Variants in VPS13B observed in about 807,000 individuals in gnomAD.
The protein encoded by VPS13B is intermembrane lipid transfer protein VPS13B.
Under a neutral mutation model 426.4 loss-of-function variants are expected in VPS13B, and 285 were observed. The observed-to-expected ratio is 0.67, with a 90% CI of 0.61 to 0.74. The LOEUF is 0.74. VPS13B is among the 30% of genes least tolerant of loss of function. The pLI is 0.00. For missense variants in VPS13B, 4,537 were observed against 4,782.6 expected, an observed-to-expected ratio of 0.95 and a Z score of 1.51; for synonymous variants, 1,676 against 1,676.4, an observed-to-expected ratio of 1.00 and a Z score of 0.01.
intron 52 of VPS13B, among the ~76,000 whole-genome samples, chr8:99,833,175 G>A (rs1043536165): frequency 1.3e-5 from 2 of 152,182 alleles, no homozygotes; most frequent in African/African-American, 2.4e-5. Flanking sequence ...TTCTGTGGTC[G>A]TTCCTGCACG....
intron 3 of VPS13B, among the ~76,000 whole-genome samples, chr8:99,046,754 G>T (rs573131026): frequency 1.3e-5 from 2 of 152,154 alleles, no homozygotes; most frequent in East Asian, 3.9e-4. Flanking sequence ...AATCATAAAA[G>T]GATGCCATAT....
chr8:99,502,489 T>C (rs1821300355), intron 26 of VPS13B, among the ~76,000 whole-genome samples: 1 of 152,190 alleles, frequency 6.6e-6, no homozygotes, highest in African/African-American at 2.4e-5. Flanking sequence ...TTGTAATACA[T>C]AAATTTTGTC....
intron 19 of VPS13B, among the ~76,000 whole-genome samples, chr8:99,362,520 G>A (rs1254105644): frequency 6.6e-6 from 1 of 151,986 alleles, no homozygotes; most frequent in African/African-American, 2.4e-5. Flanking sequence ...GAATAATTGA[G>A]GGCAGATTCA....
intron 39 of VPS13B, among the ~76,000 whole-genome samples, chr8:99,745,648 A>G (rs1810043909): frequency 6.6e-6 from 1 of 152,082 alleles, no homozygotes; most frequent in African/African-American, 2.4e-5. Context: ...GGGTCTTGGA[A>G]TGTATCCCTC....
At chr8:99,390,785 TTGATCC>T (rs1426314295) in intron 20 of VPS13B, among the ~76,000 whole-genome samples, 1 of 152,238 alleles carries the variant, frequency 6.6e-6, no homozygotes, top group Non-Finnish European at 1.5e-5. Flanking sequence ...GCATTTATCT[TTGATCC>T]TATGGCAAAC....
At chr8:99,766,564 T>G (rs1811237813) in intron 39 of VPS13B, among the ~76,000 whole-genome samples, 1 of 152,212 alleles carries the variant, frequency 6.6e-6, no homozygotes, top group South Asian at 2.1e-4. Flanking sequence ...TTGGCTGTTT[T>G]TATATATTAT....
At chr8:99,494,710 G>A (rs1361129528) in intron 25 of VPS13B, among the ~76,000 whole-genome samples, 1 of 151,822 alleles carries the variant, frequency 6.6e-6, no homozygotes, top group East Asian at 1.9e-4. Flanking sequence ...TCTCTGGTGA[G>A]GACTTTAGTA....
chr8:99,554,168 G>A (rs1320123984), intron 30 of VPS13B, among the ~76,000 whole-genome samples: 2 of 152,024 alleles, frequency 1.3e-5, no homozygotes, highest in African/African-American at 4.8e-5. Flanking sequence ...TTTACATTGG[G>A]ATTAGGTTGA....
intron 19 of VPS13B, among the ~76,000 whole-genome samples, chr8:99,383,567 T>C (rs1166959734): frequency 2.6e-5 from 4 of 152,190 alleles, no homozygotes; most frequent in African/African-American, 9.7e-5. Flanking sequence ...CATTTTCTAA[T>C]TTCAGAATAT....
intron 17 of VPS13B, among the ~76,000 whole-genome samples, chr8:99,247,178 A>AT (rs200380030): frequency 7.3e-5 from 11 of 150,170 alleles, no homozygotes; most frequent in African/African-American, 1.5e-4. Flanking sequence ...TGCATGTTCA[A>AT]TTTTTTTTTT....
chr8:99,832,708 A>G (rs1815148514), intron 52 of VPS13B, 56 bp downstream of exon 52: 2 of 1,574,674 alleles, frequency 1.3e-6, no homozygotes, highest in East Asian at 2.2e-5. Context: ...CTAGCTGTTC[A>G]TCTAGATGCC....
At chr8:99,099,351 A>G (rs1189524651) in intron 4 of VPS13B, among the ~76,000 whole-genome samples, 2 of 152,188 alleles carry the variant, frequency 1.3e-5, no homozygotes, top group Non-Finnish European at 2.9e-5. Context: ...ATTTTACACC[A>G]AAAACTTGAC....
chr8:99,155,903 C>T (rs142587889), intron 14 of VPS13B, among the ~76,000 whole-genome samples: 330 of 152,224 alleles, frequency 2.2e-3, no homozygotes, highest in Middle Eastern at 0.02. Context: ...AGTTCTAGGA[C>T]AGGGATCATT....
At chr8:99,317,053 G>A (rs951984782) in intron 19 of VPS13B, among the ~76,000 whole-genome samples, 6 of 152,190 alleles carry the variant, frequency 3.9e-5, no homozygotes, top group Non-Finnish European at 1.5e-5. Context: ...TGCTTCACAG[G>A]TGGCATAGAA....
chr8:99,242,747 G>A (rs766717164), intron 17 of VPS13B, among the ~76,000 whole-genome samples: 1 of 151,980 alleles, frequency 6.6e-6, no homozygotes, highest in Non-Finnish European at 1.5e-5. Flanking sequence ...TTCCTTATTT[G>A]ACTATATTTT....
At chr8:99,641,704 A>T in intron 33 of VPS13B, 107 bp from the exon 34 acceptor site, 1 of 1,087,652 alleles carries the variant, frequency 9.2e-7, no homozygotes, top group Non-Finnish European at 1.3e-6. Flanking sequence ...AAGTTATACT[A>T]GACTCATTTT....
intron 17 of VPS13B, among the ~76,000 whole-genome samples, chr8:99,224,777 G>A (rs1347049125): frequency 6.6e-6 from 1 of 151,798 alleles, no homozygotes; most frequent in Non-Finnish European, 1.5e-5. Flanking sequence ...TTTATGTTAT[G>A]CTCTTCTTTT....
chr8:99,349,652 C>T (rs182296331), intron 19 of VPS13B, among the ~76,000 whole-genome samples: 225 of 152,084 alleles, frequency 1.5e-3, no homozygotes, highest in African/African-American at 5.0e-3. Context: ...AATCTGGCAA[C>T]CCTAATTATG....
chr8:99,566,808 A>G (rs1205378116), intron 31 of VPS13B, among the ~76,000 whole-genome samples: 1 of 152,128 alleles, frequency 6.6e-6, no homozygotes, highest in Non-Finnish European at 1.5e-5. Flanking sequence ...AATGTATTTT[A>G]AAAGCATTTG....
Sources: gnomAD v4.1 joint callset for allele counts (sites outside exome capture counted in the v4.1 genomes callset) on GRCh38, gnomAD v4.1.1 for gene constraint, MANE v1.5 for transcripts, NCBI Gene and HGNC (gene_info 2026-07-23, HGNC 2026-07-21) for gene names.